SYN1: variants seen among roughly 807,000 people sequenced by gnomAD.
The protein encoded by SYN1 is synapsin I.
In SYN1, 8 loss-of-function variants were observed where a neutral mutation model predicts 44.6. That is an observed-to-expected ratio of 0.18 (90% CI 0.11 to 0.32). SYN1 has a LOEUF of 0.32. Among genes scored for constraint, SYN1 ranks in the 10% least tolerant of loss-of-function variants. The probability of loss-of-function intolerance (pLI) is 1.00; values close to 1 mark genes in which losing one functional copy is unlikely to be tolerated. For missense variants in SYN1, 451 were observed against 639.4 expected, an observed-to-expected ratio of 0.71 and a Z score of 3.18; for synonymous variants, 275 against 280.1, an observed-to-expected ratio of 0.98 and a Z score of 0.18.
rs1432137626 is a variant in SYN1, at chrX:47,573,883, T to G, written c.1982+119A>C. 8 of 666,854 alleles carry G rather than the reference T, an allele frequency of 1.2e-5. No homozygotes were observed. The African/African-American group carries it at 1.7e-4, about 14-fold the overall frequency. 55.0% of individuals were successfully genotyped at this position (666,854 alleles called of 1,213,427 possible). A position where few individuals can be genotyped will look rare whatever the true frequency, so the allele number is the denominator to read the frequency against. ...AGGGCTTGGCTCAGGCTGGAGAGAGTTCGTGGGACCCCTGCATAGGACCTG... is the reference window on the plus strand; with the variant it reads ...AGGGCTTGGCTCAGGCTGGAGAGAGGTCGTGGGACCCCTGCATAGGACCTG... On this transcript the variant is annotated intron_variant, in intron 12 of 12. Coordinates refer to ENST00000295987, the MANE Select transcript of SYN1 (RefSeq NM_006950.3).
Position 47,574,301 on chromosome X carries a change from TG to T in SYN1, c.1682del (p.Pro561HisfsTer106). The T allele has an allele frequency of 1.8e-6, 2 of 1,093,041 alleles. No individual in the cohort carries two copies. The highest frequency in any genetic ancestry group is 1.2e-6 in the Non-Finnish European group (1 of 843,589). The allele number at this position is 1,093,041 out of a possible 1,213,427, so 90.1% of individuals were successfully genotyped here. On this transcript the variant is annotated frameshift_variant, in exon 12 of 13. Coordinates refer to ENST00000295987, the MANE Select transcript of SYN1 (RefSeq NM_006950.3). LOFTEE classifies it high-confidence loss of function. The part of the protein sequence containing the change: ...SPSPQRQAGP[P>X]QATRQTSVSG... ...AGACGGATGTCTGACGGGTAGCCTG[TG>T]GGGGGCCCGCCTGGCGCTGGGGAGA...
rs12006812 is a variant in SYN1 at position 47,613,332 on chromosome X, T to C, written c.377+6020A>G. 7.8e-3 allele frequency among the ~76,000 whole-genome samples: 857 copies of C among 109,898 alleles called. 10 individuals are homozygous for C. The highest frequency in any genetic ancestry group is 0.027 in the African/African-American group (826 of 30,100). ...AGATGGGCACATGAATAAGTGGCAA[T>C]AGCAGCAGAGAGAGAAGCTATGTGT... On this transcript the variant is annotated intron_variant, in intron 1 of 12. Coordinates refer to ENST00000295987, the MANE Select transcript of SYN1 (RefSeq NM_006950.3).
chrX:47,577,581 C>A (rs1163940586), intron 5 of SYN1, 80 bp from the exon 6 acceptor site: 1 of 915,605 alleles, frequency 1.1e-6, no homozygotes, highest in African/African-American at 2.0e-5. Flanking sequence ...GAGGGGATCC[C>A]AGCCAGTGGG....
intron 5 of SYN1, among the ~76,000 whole-genome samples, chrX:47,578,793 C>T (rs753057663): frequency 3.0e-4 from 33 of 111,471 alleles, no homozygotes; most frequent in African/African-American, 8.2e-4. Flanking sequence ...GCTGCTGGGG[C>T]GGTGGTGGTT....
intron 1 of SYN1, among the ~76,000 whole-genome samples, chrX:47,616,542 G>C (rs761506279): frequency 3.6e-5 from 4 of 111,654 alleles, no homozygotes; most frequent in Admixed American, 9.5e-5. Flanking sequence ...CCTATATCCA[G>C]CAGAGGCCTC....
At chrX:47,577,595 T>C (rs2057782003) in intron 5 of SYN1, 94 bp from the exon 6 acceptor site, 2 of 804,290 alleles carry the variant, frequency 2.5e-6, no homozygotes, top group East Asian at 3.4e-5. Context: ...CAGTGGGAAC[T>C]GCATTATGAG....
At chrX:47,601,852 T>C (rs2057880718) in intron 5 of SYN1, among the ~76,000 whole-genome samples, 1 of 112,452 alleles carries the variant, frequency 8.9e-6, no homozygotes, top group South Asian at 3.6e-4. Flanking sequence ...AATGCAAATG[T>C]CTACACCTAG....
intron 1 of SYN1, among the ~76,000 whole-genome samples, chrX:47,609,005 GACACACACACAC>G (rs757667668): frequency 3.4e-5 from 3 of 87,398 alleles, no homozygotes; most frequent in Non-Finnish European, 6.9e-5. Context: ...CTCTCTCTCT[GACACACACACAC>G]ACACACACAC....
At chrX:47,575,655 A>AT (rs997063267) in intron 9 of SYN1, among the ~76,000 whole-genome samples, 16 of 112,483 alleles carry the variant, frequency 1.4e-4, no homozygotes, top group Admixed American at 1.3e-3. Context: ...AGCCACACTT[A>AT]TTTTTTTAAC....
intron 1 of SYN1, among the ~76,000 whole-genome samples, chrX:47,609,260 C>T (rs1209829813): frequency 8.9e-6 from 1 of 112,119 alleles, no homozygotes; most frequent in Non-Finnish European, 1.9e-5. Context: ...ATGGCTGTGT[C>T]CCCACTGGGA....
intron 5 of SYN1, among the ~76,000 whole-genome samples, chrX:47,579,849 G>GCCCCCCCCCCCCCCCCCCCC (rs140381513): frequency 2.4e-5 from 2 of 83,158 alleles, no homozygotes; most frequent in Admixed American, 1.4e-4. Context: ...TGTTTTTGTC[G>GCCCCCCCCCCCCCCCCCCCC]CCCCCCCACC....
chrX:47,599,434 T>C (rs958218434), intron 5 of SYN1, among the ~76,000 whole-genome samples: 5 of 112,968 alleles, frequency 4.4e-5, no homozygotes, highest in African/African-American at 1.6e-4. Context: ...ATCTGAATCA[T>C]CAGAATCATC....
chrX:47,594,936 A>G (rs979238096), intron 5 of SYN1, among the ~76,000 whole-genome samples: 5 of 110,886 alleles, frequency 4.5e-5, no homozygotes, highest in Non-Finnish European at 7.6e-5. Flanking sequence ...CATGTTGGTC[A>G]GGCTGGTCTA....
rs1356620567 is a variant in SYN1, at chrX:47,580,593, T to C, written c.775-3092A>G. Among the ~76,000 whole-genome samples, 12 of 104,736 alleles carry C rather than the reference T, an allele frequency of 1.1e-4. 1 individual carries two copies. The highest frequency in any genetic ancestry group is 4.2e-4 in the African/African-American group (12 of 28,266). 91.0% of individuals were successfully genotyped at this position (104,736 alleles called of 115,157 possible). ...TTGCAGTGAGCCAAGATCTTGCCATTGCACTCCAGCCTGGGAAACAAGATC... is the reference window on the plus strand; with the variant it reads ...TTGCAGTGAGCCAAGATCTTGCCATCGCACTCCAGCCTGGGAAACAAGATC... On this transcript the variant is annotated intron_variant, in intron 5 of 12. Transcript: ENST00000295987.
At chrX:47,607,769 C>T (rs948136969) in intron 1 of SYN1, among the ~76,000 whole-genome samples, 2 of 106,679 alleles carry the variant, frequency 1.9e-5, no homozygotes, top group African/African-American at 6.9e-5. Context: ...CTGTGGCTCA[C>T]GTCTATAATC....
rs145310719 is a variant in SYN1 at position 47,600,789 on chromosome X, G to A, written c.774+4189C>T. Among the ~76,000 whole-genome samples, 698 of 111,715 alleles carry A rather than the reference G, an allele frequency of 6.2e-3. 12 individuals are homozygous for A. Among genetic ancestry groups the A allele is most frequent in the African/African-American group, 0.022 (666 of 30,748 alleles). On this transcript the variant is annotated intron_variant, in intron 5 of 12. Transcript: ENST00000295987. ...TAACACACTCCTAAATAACCAATAG[G>A]TCAAAGAAGAAATCACAAGTGAAAT...
At chrX:47,605,760 T>G (rs1489930350) in intron 3 of SYN1, among the ~76,000 whole-genome samples, 1 of 111,444 alleles carries the variant, frequency 9.0e-6, no homozygotes, top group Non-Finnish European at 1.9e-5. Context: ...CCCCTAGATA[T>G]CTGCATGGAT....
chrX:47,585,556 T>C, intron 5 of SYN1: 1 of 1,201,169 alleles, frequency 8.3e-7, no homozygotes. Flanking sequence ...AACTGCAGGA[T>C]GGACTCTTGC....
chrX:47,614,054 C>T (rs2057924377), intron 1 of SYN1, among the ~76,000 whole-genome samples: 1 of 111,967 alleles, frequency 8.9e-6, no homozygotes, highest in Non-Finnish European at 1.9e-5. Flanking sequence ...AACACTGCTA[C>T]CAGGGGACAC....
Sources: gnomAD v4.1 joint callset for allele counts (sites outside exome capture counted in the v4.1 genomes callset) on GRCh38, gnomAD v4.1.1 for gene constraint, MANE v1.5 for transcripts, NCBI Gene and HGNC (gene_info 2026-07-23, HGNC 2026-07-21) for gene names.